The following NCS1 variants were observed in gnomAD, a reference collection of about 807,000 sequenced individuals.
NCS1 encodes frequenin homolog.
In NCS1, 6 loss-of-function variants were observed where a neutral mutation model predicts 28.4. That is an observed-to-expected ratio of 0.21 (90% CI 0.12 to 0.42). The LOEUF (loss-of-function observed/expected upper bound fraction) is 0.42, where lower values mean the gene tolerates loss of function less well. Ranked by LOEUF, NCS1 falls within the 10% of genes least tolerant of loss-of-function variation. The pLI, the probability that NCS1 is intolerant of heterozygous loss-of-function variation, is 1.00. For missense variants in NCS1, 131 were observed against 241.4 expected (o/e 0.54, Z 3.03); for synonymous variants, 86 against 99.3 (o/e 0.87, Z 0.79).
intron 1 of NCS1, among the ~76,000 whole-genome samples, chr9:130,185,524 C>G (rs959670101): frequency 6.6e-6 from 1 of 152,194 alleles, no homozygotes; most frequent in Non-Finnish European, 1.5e-5. Context: ...GTGAGGACCC[C>G]AGACCCTTCT....
intron 1 of NCS1, among the ~76,000 whole-genome samples, chr9:130,184,103 C>T (rs1009001877): frequency 1.3e-5 from 2 of 152,160 alleles, no homozygotes; most frequent in African/African-American, 2.4e-5. Flanking sequence ...AGCCACCGCG[C>T]CCGGCGTCTT....
chr9:130,175,271 G>T lies in NCS1; in HGVS notation c.64+2544G>T, dbSNP rs573906755. Among the ~76,000 whole-genome samples, 1 of 152,160 alleles carries T rather than the reference G, an allele frequency of 6.6e-6. No individual in the cohort carries two copies. Among genetic ancestry groups the T allele is most frequent in the Non-Finnish European group, 1.5e-5 (1 of 68,036 alleles). Reference sequence around the variant, plus strand: ...GAGAAAGCTTCCAGCTTGTTCTCCCGCCCCCAGATGGGCTTCCTTCTGATG... The same window carrying T: ...GAGAAAGCTTCCAGCTTGTTCTCCCTCCCCCAGATGGGCTTCCTTCTGATG... On this transcript the variant is annotated intron_variant, in intron 1 of 7. Transcript: ENST00000372398. This position sits in a 1 kb window ranked among gnomAD's most constrained non-coding sequence, Gnocchi z 4.9.
chr9:130,181,618 C>G lies in NCS1; in HGVS notation c.64+8891C>G, dbSNP rs1458062768. ...TTGGGGTCTGATCCCCGTCCCCTCTCAGCCTGGAGTCTGCACACTGAAGCC... is the reference window on the plus strand; with the variant it reads ...TTGGGGTCTGATCCCCGTCCCCTCTGAGCCTGGAGTCTGCACACTGAAGCC... On this transcript the variant is annotated intron_variant, in intron 1 of 7. Transcript: ENST00000372398. The surrounding 1 kb of genome is among the most constrained non-coding windows in gnomAD (Gnocchi z 5.0). 9.2e-5 allele frequency among the ~76,000 whole-genome samples: 14 copies of G among 152,186 alleles called. No individual in the cohort carries two copies. The highest frequency in any genetic ancestry group is 3.4e-4 in the African/African-American group (14 of 41,452).
In NCS1 at chr9:130,229,702, G is replaced by A. The variant is rs75396311; in HGVS notation, c.*17+3198G>A. The stretch of plus-strand genomic sequence containing the variant: ...GCTTGTCAAAGTGACAAGAGCCCTC[G>A]CATGATATGATCCCCCTTTCTATTA... On this transcript the variant is annotated intron_variant, in intron 7 of 7. Transcript: ENST00000372398. Among the ~76,000 whole-genome samples, 1,014 of 152,236 alleles carry A rather than the reference G, an allele frequency of 6.7e-3. 12 individuals carry two copies. Among genetic ancestry groups the A allele is most frequent in the African/African-American group, 0.023 (944 of 41,530 alleles).
rs1588125303 is a variant in NCS1 at position 130,223,163 on chromosome 9, A to C, written c.474+4A>C. 107 of 1,001,944 alleles carry C rather than the reference A, an allele frequency of 1.1e-4. No homozygotes were observed. The highest frequency in any genetic ancestry group is 1.4e-4 in the Non-Finnish European group (95 of 679,756). 62.1% of individuals were successfully genotyped at this position (1,001,944 alleles called of 1,614,324 possible). On this transcript the variant is annotated splice_donor_region_variant and intron_variant, in intron 6 of 7. Coordinates refer to ENST00000372398, the MANE Select transcript of NCS1 (RefSeq NM_014286.4). ...GATCTTTGCCATGATGGATAAGGTG[A>C]GGTGGGGGGGCGGGGCTGGTCCTGG...
At chr9:130,207,771 C>T (rs1265986068) in intron 2 of NCS1, among the ~76,000 whole-genome samples, 2 of 152,232 alleles carry the variant, frequency 1.3e-5, no homozygotes, top group Admixed American at 1.3e-4. Flanking sequence ...CACCAGGCTC[C>T]GCACTGGGCA....
intron 6 of NCS1, among the ~76,000 whole-genome samples, chr9:130,225,859 G>A (rs1370732712): frequency 3.3e-5 from 5 of 152,060 alleles, no homozygotes; most frequent in African/African-American, 7.2e-5. Context: ...GAGATGCTCC[G>A]GGGAAGGGAT....
chr9:130,187,853 T>C (rs1832760328), intron 1 of NCS1, among the ~76,000 whole-genome samples: 1 of 152,314 alleles, frequency 6.6e-6, no homozygotes, highest in South Asian at 2.1e-4. Context: ...GTGGCTTCTG[T>C]GAACAATTTG....
chr9:130,173,539 C>T (rs571581958), intron 1 of NCS1, among the ~76,000 whole-genome samples: 1 of 152,284 alleles, frequency 6.6e-6, no homozygotes, highest in South Asian at 2.1e-4. Context: ...GCAGCCTCTC[C>T]GGAGGTGCCC....
intron 2 of NCS1, among the ~76,000 whole-genome samples, chr9:130,203,098 ATG>A (rs148713429): frequency 9.0e-5 from 13 of 144,064 alleles, no homozygotes; most frequent in African/African-American, 2.9e-4. Flanking sequence ...ATACATATAT[ATG>A]TGTGTGTGTG....
At chr9:130,205,833 TAAAAA>T (rs57877038) in intron 2 of NCS1, among the ~76,000 whole-genome samples, 2 of 141,888 alleles carry the variant, frequency 1.4e-5, no homozygotes, top group African/African-American at 5.2e-5. Flanking sequence ...GACCCTGTCT[TAAAAA>T]AAAAAAAAAG....
chr9:130,213,062 G>A (rs549453658), intron 2 of NCS1, among the ~76,000 whole-genome samples: 32 of 152,300 alleles, frequency 2.1e-4, no homozygotes, highest in Middle Eastern at 3.4e-3. Flanking sequence ...GTAATGTTTG[G>A]GTAGCAGTCG....
At chr9:130,200,828 G>T in intron 1 of NCS1, 130 bp from the exon 2 acceptor site, 1 of 1,460,306 alleles carries the variant, frequency 6.8e-7, no homozygotes, top group Non-Finnish European at 9.6e-7. Context: ...CTCATCCAGA[G>T]CAGGCCGTTG....
At chr9:130,225,941 C>T (rs563432112) in intron 6 of NCS1, among the ~76,000 whole-genome samples, 1 of 152,300 alleles carries the variant, frequency 6.6e-6, no homozygotes, top group Non-Finnish European at 1.5e-5. Context: ...AGCCCCCTGC[C>T]GGGTCTCCCA....
chr9:130,172,981 G>A (rs1284213286), intron 1 of NCS1, among the ~76,000 whole-genome samples: 2 of 151,772 alleles, frequency 1.3e-5, no homozygotes, highest in African/African-American at 4.8e-5. Context: ...CCCTAGGTCC[G>A]GAGGGGCAGC....
intron 2 of NCS1, among the ~76,000 whole-genome samples, chr9:130,205,003 G>C (rs1833005699): frequency 6.6e-6 from 1 of 152,012 alleles, no homozygotes; most frequent in Non-Finnish European, 1.5e-5. Flanking sequence ...CAAAACCCCA[G>C]GCCCCGACAT....
intron 2 of NCS1, among the ~76,000 whole-genome samples, chr9:130,206,742 C>T (rs1179615000): frequency 6.6e-6 from 1 of 152,080 alleles, no homozygotes; most frequent in African/African-American, 2.4e-5. Context: ...TCAGGACACC[C>T]GACAGCCAGA....
intron 7 of NCS1, among the ~76,000 whole-genome samples, chr9:130,229,989 C>T (rs1274102698): frequency 6.6e-6 from 1 of 152,190 alleles, no homozygotes; most frequent in African/African-American, 2.4e-5. Context: ...ATGGCTGGGC[C>T]ATAATTTAAC....
chr9:130,221,377 CATATATATATATA>C (rs1833286048), intron 4 of NCS1, among the ~76,000 whole-genome samples: 2 of 84,716 alleles, frequency 2.4e-5, no homozygotes, highest in South Asian at 9.6e-4. Flanking sequence ...TATAAAATAT[CATATATATATATA>C]TATATATATA....
Sources: gnomAD v4.1 joint callset for allele counts (sites outside exome capture counted in the v4.1 genomes callset) on GRCh38, gnomAD v4.1.1 for gene constraint, Gnocchi (gnomAD v3.1) non-coding constraint, MANE v1.5 for transcripts, NCBI Gene and HGNC (gene_info 2026-07-23, HGNC 2026-07-21) for gene names.